The following NUBPL variants were observed in gnomAD, a reference collection of about 807,000 sequenced individuals.
NUBPL encodes the protein iron-sulfur cluster transfer protein NUBPL.
A neutral mutation model predicts 45.7 loss-of-function variants in NUBPL; 31 were observed. The ratio of observed to expected loss-of-function variants is 0.68; its 90% CI spans 0.51 to 0.92. The LOEUF is 0.92. NUBPL is among the 40% of genes least tolerant of loss of function. The pLI, the probability that NUBPL is intolerant of heterozygous loss-of-function variation, is 0.00. For synonymous variants in NUBPL, 144 were observed against 140.9 expected (o/e 1.02, Z -0.15); for missense variants, 401 against 398.7 (o/e 1.01, Z -0.05).
At chr14:31,676,145 T>C (rs947642406) in intron 6 of NUBPL, among the ~76,000 whole-genome samples, 1 of 152,074 alleles carries the variant, frequency 6.6e-6, no homozygotes, top group Non-Finnish European at 1.5e-5. Context: ...GCCTCAGCCT[T>C]CTGAGTAGCT....
At chr14:31,850,872 C>G (rs199891804) in intron 10 of NUBPL, among the ~76,000 whole-genome samples, 1 of 152,110 alleles carries the variant, frequency 6.6e-6, no homozygotes, top group Non-Finnish European at 1.5e-5. Flanking sequence ...ATCCTCCCAT[C>G]TTGGCCTCCC....
chr14:31,698,537 C>T lies in NUBPL; in HGVS notation c.513+24963C>T, dbSNP rs571887057. Among the ~76,000 whole-genome samples the T allele has an allele frequency of 2.6e-5, 4 of 152,208 alleles. No individual in the cohort carries two copies. In the South Asian group the frequency reaches 8.3e-4, roughly 32 times the overall value. On this transcript the variant is annotated intron_variant, in intron 6 of 10. Coordinates refer to ENST00000281081, the MANE Select transcript of NUBPL (RefSeq NM_025152.3). ...ACTCTCATGTCAGTAATTTCAGAGA[C>T]CATCAGTGTCTCCTTGCTACTTTTT...
chr14:31,835,578 G>T (rs528633452), intron 8 of NUBPL, among the ~76,000 whole-genome samples: 1 of 152,278 alleles, frequency 6.6e-6, no homozygotes, highest in South Asian at 2.1e-4. Context: ...GTAGACATTA[G>T]AGATCATTAT....
At chr14:31,599,179 T>A (rs749753949) in intron 3 of NUBPL, 110 bp from the exon 4 acceptor site, 21 of 830,158 alleles carry the variant, frequency 2.5e-5, no homozygotes, top group Non-Finnish European at 4.0e-5. Flanking sequence ...CAATTTTATT[T>A]TCTGTACTCA....
chr14:31,706,160 T>C (rs1455322998), intron 6 of NUBPL, among the ~76,000 whole-genome samples: 1 of 65,520 alleles, frequency 1.5e-5, no homozygotes, highest in Non-Finnish European at 5.4e-5. Flanking sequence ...CAATCCCCCC[T>C]CTAAACAGGA....
chr14:31,567,317 C>T (rs1482095304), intron 3 of NUBPL, among the ~76,000 whole-genome samples: 1 of 152,156 alleles, frequency 6.6e-6, no homozygotes, highest in Non-Finnish European at 1.5e-5. Flanking sequence ...TTGGCTTAAC[C>T]TGCGTGGGAT....
chr14:31,711,912 C>G (rs2037580336), intron 6 of NUBPL, among the ~76,000 whole-genome samples: 1 of 151,468 alleles, frequency 6.6e-6, no homozygotes, highest in East Asian at 2.0e-4. Context: ...AGTTGTTCAT[C>G]CCTCCCAGTG....
chr14:31,783,428 G>C (rs1259026222), intron 6 of NUBPL, among the ~76,000 whole-genome samples: 1 of 151,934 alleles, frequency 6.6e-6, no homozygotes. Flanking sequence ...GTGTTTTTCA[G>C]GTACATTAAA....
At chr14:31,742,562 G>A (rs2038308810) in intron 6 of NUBPL, among the ~76,000 whole-genome samples, 1 of 152,144 alleles carries the variant, frequency 6.6e-6, no homozygotes, top group African/African-American at 2.4e-5. Context: ...CAGCTGGCCT[G>A]TAGTCTTTTC....
At chr14:31,846,336 C>A in intron 8 of NUBPL, 135 bp from the exon 9 acceptor site, 1 of 731,996 alleles carries the variant, frequency 1.4e-6, no homozygotes, top group Non-Finnish European at 2.4e-6. Context: ...AGAGCAGAGG[C>A]CATAGTTTAT....
chr14:31,791,373 G>T (rs1023715857), intron 7 of NUBPL, among the ~76,000 whole-genome samples: 1 of 152,154 alleles, frequency 6.6e-6, no homozygotes, highest in Non-Finnish European at 1.5e-5. Context: ...TGATTCATAT[G>T]CAAGGTAAAT....
chr14:31,664,488 A>C (rs2036355674), intron 4 of NUBPL, among the ~76,000 whole-genome samples: 1 of 152,172 alleles, frequency 6.6e-6, no homozygotes, highest in South Asian at 2.1e-4. Context: ...ATCTATTGAG[A>C]TAATCATGTG....
chr14:31,739,945 C>A (rs1046207418), intron 6 of NUBPL, among the ~76,000 whole-genome samples: 1 of 152,154 alleles, frequency 6.6e-6, no homozygotes, highest in Non-Finnish European at 1.5e-5. Context: ...TTTCACTTAG[C>A]AGTAGCATTT....
At chr14:31,843,032 G>A (rs566888006) in intron 8 of NUBPL, among the ~76,000 whole-genome samples, 2 of 152,218 alleles carry the variant, frequency 1.3e-5, no homozygotes, top group East Asian at 1.9e-4. Flanking sequence ...AACAGCACAG[G>A]TTTATTTGTC....
intron 6 of NUBPL, among the ~76,000 whole-genome samples, chr14:31,699,233 C>T (rs2037281255): frequency 6.6e-6 from 1 of 152,056 alleles, no homozygotes; most frequent in African/African-American, 2.4e-5. Context: ...ATATATTAGA[C>T]TTTTATAGTT....
intron 6 of NUBPL, among the ~76,000 whole-genome samples, chr14:31,732,908 C>T (rs530021073): frequency 1.1e-4 from 17 of 152,188 alleles, no homozygotes; most frequent in Admixed American, 4.6e-4. Context: ...TCACCGCGCC[C>T]GGCCTATTCT....
At chr14:31,816,528 C>T (rs1323142991) in intron 7 of NUBPL, among the ~76,000 whole-genome samples, 7 of 152,002 alleles carry the variant, frequency 4.6e-5, no homozygotes, top group Non-Finnish European at 1.0e-4. Context: ...TCTCTATCTC[C>T]TTCAGTTCTG....
chr14:31,596,209 C>T (rs751398358), intron 3 of NUBPL, among the ~76,000 whole-genome samples: 2 of 152,098 alleles, frequency 1.3e-5, no homozygotes, highest in African/African-American at 4.8e-5. Context: ...GGCCTGGACA[C>T]TGATTTTATT....
At chr14:31,617,162 G>A (rs2034925497) in intron 4 of NUBPL, among the ~76,000 whole-genome samples, 1 of 152,174 alleles carries the variant, frequency 6.6e-6, no homozygotes, top group African/African-American at 2.4e-5. Context: ...ACCAGCTTAA[G>A]GAGATTTTGG....
Sources: gnomAD v4.1 joint callset for allele counts (sites outside exome capture counted in the v4.1 genomes callset) on GRCh38, gnomAD v4.1.1 for gene constraint, MANE v1.5 for transcripts, NCBI Gene and HGNC (gene_info 2026-07-23, HGNC 2026-07-21) for gene names.